Variants in DTNB observed in about 807,000 individuals in gnomAD.
DTNB encodes DTN-B.
DTNB carries 63 observed loss-of-function variants against 90.7 expected under a neutral mutation model. That is an observed-to-expected ratio of 0.69 (90% CI 0.57 to 0.86). The LOEUF (loss-of-function observed/expected upper bound fraction) is 0.86, where lower values mean the gene tolerates loss of function less well. DTNB is among the 40% of genes least tolerant of loss of function. DTNB has a pLI of 0.00. For synonymous variants in DTNB, 277 were observed against 286.7 expected (o/e 0.97, Z 0.34); for missense variants, 744 against 807.1 (o/e 0.92, Z 0.95).
intron 9 of DTNB, among the ~76,000 whole-genome samples, chr2:25,504,711 G>T (rs757377179): frequency 6.6e-6 from 1 of 152,186 alleles, no homozygotes; most frequent in Admixed American, 6.5e-5. Flanking sequence ...AAACATCATT[G>T]AAAGAAAGAA....
intron 11 of DTNB, among the ~76,000 whole-genome samples, chr2:25,455,185 T>C (rs1180438371): frequency 2.0e-5 from 3 of 152,214 alleles, no homozygotes; most frequent in African/African-American, 7.2e-5. Context: ...TAAAGGAGAA[T>C]GTCTGACTCC....
At chr2:25,650,745 G>T (rs2080733513) in intron 2 of DTNB, among the ~76,000 whole-genome samples, 1 of 152,202 alleles carries the variant, frequency 6.6e-6, no homozygotes. Context: ...CGGATCACTT[G>T]AGGTCAGGAG....
intron 14 of DTNB, among the ~76,000 whole-genome samples, chr2:25,432,294 C>G (rs897618964): frequency 1.3e-5 from 2 of 151,768 alleles, no homozygotes; most frequent in Non-Finnish European, 2.9e-5. Flanking sequence ...GATCAGATCA[C>G]TTCTGTGAAG....
intron 2 of DTNB, among the ~76,000 whole-genome samples, chr2:25,650,762 ACCAGCCCGG>A (rs2080737832): frequency 6.6e-6 from 1 of 152,182 alleles, no homozygotes; most frequent in Non-Finnish European, 1.5e-5. Flanking sequence ...GGAGTTTGAG[ACCAGCCCGG>A]CCAACATGGT....
intron 10 of DTNB, among the ~76,000 whole-genome samples, chr2:25,479,224 A>G (rs2064387131): frequency 6.6e-6 from 1 of 152,242 alleles, no homozygotes; most frequent in African/African-American, 2.4e-5. Flanking sequence ...CTAAAGCTTT[A>G]GAAGACATTT....
At position 25,433,998 on chromosome 2, in the gene DTNB, A is replaced by G. The variant is rs200846906; in HGVS notation, c.1258-3T>C. On this transcript the variant is annotated splice_region_variant and splice_polypyrimidine_tract_variant and intron_variant, in intron 12 of 20. Transcript: ENST00000406818. ...CTCAAGTCAGTGGGAGGACGAGTCT[A>G]AAGTGGGGAAGTCGGGAGAAAGTTT... 9.3e-4 allele frequency: 1,494 copies of G among 1,605,404 alleles called. 8 individuals are homozygous for G. The highest frequency in any genetic ancestry group is 6.1e-3 in the Middle Eastern group (37 of 6,044).
intron 1 of DTNB, among the ~76,000 whole-genome samples, chr2:25,657,511 T>C (rs2082288105): frequency 6.6e-6 from 1 of 151,882 alleles, no homozygotes; most frequent in East Asian, 1.9e-4. Flanking sequence ...TTCAGCCCAG[T>C]AGTTCAAGAC....
intron 1 of DTNB, among the ~76,000 whole-genome samples, chr2:25,656,439 T>C (rs1364332820): frequency 6.6e-6 from 1 of 152,210 alleles, no homozygotes; most frequent in Admixed American, 6.5e-5. Flanking sequence ...AATGCTACCA[T>C]GAATGTAAGT....
intron 4 of DTNB, among the ~76,000 whole-genome samples, chr2:25,614,399 G>A (rs988576254): frequency 1.3e-5 from 2 of 152,018 alleles, no homozygotes; most frequent in South Asian, 4.2e-4. Flanking sequence ...TCCATTCCAG[G>A]CAATATGATC....
At chr2:25,556,166 C>CTTT (rs2057312263) in intron 8 of DTNB, among the ~76,000 whole-genome samples, 1 of 110,902 alleles carries the variant, frequency 9.0e-6, no homozygotes, top group African/African-American at 4.1e-5. Flanking sequence ...TTTTGGCCAT[C>CTTT]TCTCTTTTTT....
intron 3 of DTNB, 23 bp from the exon 4 acceptor site, chr2:25,628,407 T>C (rs1420238807): frequency 6.3e-7 from 1 of 1,599,000 alleles, no homozygotes; most frequent in Non-Finnish European, 8.5e-7. Context: ...GAAAATAAAC[T>C]GTCAACAATT....
chr2:25,671,815 C>T (rs1321299004), intron 1 of DTNB, among the ~76,000 whole-genome samples: 1 of 152,170 alleles, frequency 6.6e-6, no homozygotes, highest in Non-Finnish European at 1.5e-5. Context: ...CCAACAGGCA[C>T]TGCAACCCAG....
At chr2:25,460,539 C>A (rs1163902364) in intron 10 of DTNB, among the ~76,000 whole-genome samples, 1 of 152,016 alleles carries the variant, frequency 6.6e-6, no homozygotes, top group African/African-American at 2.4e-5. Flanking sequence ...GAAAAACTTG[C>A]AAAGGAGGCC....
At chr2:25,421,120 A>G (rs1390435893) in intron 15 of DTNB, 1 of 152,270 alleles carries the variant, frequency 6.6e-6, no homozygotes, top group Non-Finnish European at 1.5e-5. Context: ...GTGCCTAGGA[A>G]GTCTCAGGAA....
intron 9 of DTNB, among the ~76,000 whole-genome samples, chr2:25,522,102 G>A (rs556277861): frequency 3.9e-5 from 6 of 152,348 alleles, no homozygotes; most frequent in Admixed American, 6.5e-5. Flanking sequence ...AGAGGTAGAC[G>A]TGGTATAAAT....
chr2:25,617,147 A>G (rs2070965945), intron 4 of DTNB, among the ~76,000 whole-genome samples: 1 of 152,144 alleles, frequency 6.6e-6, no homozygotes, highest in South Asian at 2.1e-4. Flanking sequence ...TTTCAGGTGA[A>G]CAAATGTATG....
At chr2:25,653,668 C>T (rs1014202805) in intron 1 of DTNB, among the ~76,000 whole-genome samples, 4 of 151,772 alleles carry the variant, frequency 2.6e-5, no homozygotes, top group Admixed American at 1.3e-4. Context: ...CGCACCACCA[C>T]GCCTGGCTAA....
chr2:25,474,630 T>C (rs972033824), intron 10 of DTNB, among the ~76,000 whole-genome samples: 2 of 152,216 alleles, frequency 1.3e-5, no homozygotes, highest in Non-Finnish European at 2.9e-5. Flanking sequence ...TGTCACCCAG[T>C]CAGAAAGCCA....
chr2:25,530,972 T>C (rs1467941893), intron 9 of DTNB, among the ~76,000 whole-genome samples: 2 of 152,234 alleles, frequency 1.3e-5, no homozygotes, highest in African/African-American at 4.8e-5. Context: ...AGCATGAATA[T>C]TCAACTAAAT....
Sources: allele counts gnomAD v4.1 joint callset (sites outside exome capture counted in the v4.1 genomes callset), GRCh38; gene constraint gnomAD v4.1.1; transcripts MANE v1.5; gene names NCBI Gene and HGNC (gene_info 2026-07-23, HGNC 2026-07-21).